The following UGT1A9 variants were observed in gnomAD, a reference collection of about 807,000 sequenced individuals.
UGT1A9 encodes the protein UDP glucuronosyltransferase family 1 member A9, also known as UDP-glucuronosyltransferase 1A9.
A neutral mutation model predicts 45.0 loss-of-function variants in UGT1A9; 35 were observed. That is an observed-to-expected ratio of 0.78 (90% CI 0.59 to 1.03). UGT1A9 has a LOEUF of 1.03. Ranked by LOEUF, UGT1A9 falls within the 50% of genes least tolerant of loss-of-function variation. UGT1A9 has a pLI of 0.00. For missense variants in UGT1A9, 687 were observed against 666.6 expected (o/e 1.03, Z -0.34); for synonymous variants, 278 against 250.6 (o/e 1.11, Z -1.03).
intron 1 of UGT1A9, among the ~76,000 whole-genome samples, chr2:233,758,117 T>C (rs1223094258): frequency 1.3e-5 from 2 of 152,208 alleles, no homozygotes; most frequent in African/African-American, 4.8e-5. Context: ...GCTCACACGT[T>C]CCATAAATAT....
chr2:233,756,725 G>A (rs1363632350), intron 1 of UGT1A9, among the ~76,000 whole-genome samples: 1 of 152,038 alleles, frequency 6.6e-6, no homozygotes, highest in Non-Finnish European at 1.5e-5. Flanking sequence ...TGAGATCTGA[G>A]TTCTCTTCAC....
intron 1 of UGT1A9, among the ~76,000 whole-genome samples, chr2:233,759,713 T>TGGTG (rs1157954887): frequency 2.6e-5 from 4 of 151,594 alleles, no homozygotes; most frequent in African/African-American, 9.7e-5. Flanking sequence ...CGTGCTCGTG[T>TGGTG]GGTGGGCTCT....
intron 1 of UGT1A9, among the ~76,000 whole-genome samples, chr2:233,689,045 CTCT>C (rs2074924736): frequency 6.6e-6 from 1 of 152,196 alleles, no homozygotes; most frequent in Admixed American, 6.5e-5. Context: ...TACTTTATGT[CTCT>C]TCTGTATAAT....
At chr2:233,725,001 G>C (rs1276972399) in intron 1 of UGT1A9, among the ~76,000 whole-genome samples, 3 of 134,004 alleles carry the variant, frequency 2.2e-5, no homozygotes, top group African/African-American at 3.7e-5. Flanking sequence ...GCTGGAGACC[G>C]GCCCGGCCAA....
chr2:233,755,274 G>T, intron 1 of UGT1A9: 1 of 734,282 alleles, frequency 1.4e-6, no homozygotes, highest in Non-Finnish European at 2.1e-6. Flanking sequence ...CACTATGCTG[G>T]ACTGCCAAAG....
At chr2:233,756,303 C>T (rs529039026) in intron 1 of UGT1A9, 7 of 152,196 alleles carry the variant, frequency 4.6e-5, no homozygotes, top group African/African-American at 9.7e-5. Context: ...TTGTATATAA[C>T]CTACCCATAT....
intron 1 of UGT1A9, among the ~76,000 whole-genome samples, chr2:233,742,294 T>C (rs1176827830): frequency 3.3e-5 from 5 of 152,006 alleles, no homozygotes; most frequent in African/African-American, 1.2e-4. Context: ...CTATAGATTA[T>C]AGATTAACTA....
intron 1 of UGT1A9, among the ~76,000 whole-genome samples, chr2:233,698,291 T>A (rs1387346717): frequency 6.6e-6 from 1 of 152,168 alleles, no homozygotes; most frequent in East Asian, 1.9e-4. Flanking sequence ...TGAAAAAAAA[T>A]GTGTCTTTGG....
chr2:233,713,220 C>G, intron 1 of UGT1A9: 1 of 1,614,254 alleles, frequency 6.2e-7, no homozygotes, highest in Non-Finnish European at 8.5e-7. Flanking sequence ...CTTTTTCACC[C>G]TGACAACGTA....
At chr2:233,761,015 C>A (rs568151745) in intron 1 of UGT1A9, 1 of 1,614,218 alleles carries the variant, frequency 6.2e-7, no homozygotes, top group Admixed American at 1.7e-5. Flanking sequence ...AGAGAGGTGA[C>A]TGTCCAGGAC....
At chr2:233,704,805 T>C (rs1020612580) in intron 1 of UGT1A9, among the ~76,000 whole-genome samples, 12 of 152,136 alleles carry the variant, frequency 7.9e-5, no homozygotes, top group African/African-American at 2.2e-4. Flanking sequence ...ATTATATATA[T>C]GTATATTGCT....
chr2:233,711,531 C>T (rs1251081299), intron 1 of UGT1A9, among the ~76,000 whole-genome samples: 4 of 152,194 alleles, frequency 2.6e-5, no homozygotes, highest in African/African-American at 7.2e-5. Context: ...CACAACTCCC[C>T]GGGAATCATC....
chr2:233,675,728 C>T (rs1419810459), intron 1 of UGT1A9, among the ~76,000 whole-genome samples: 1 of 152,182 alleles, frequency 6.6e-6, no homozygotes, highest in Non-Finnish European at 1.5e-5. Flanking sequence ...CTATTTTGCT[C>T]TACTAATTCA....
chr2:233,768,207 T>G lies in UGT1A9; in HGVS notation c.1076-13T>G, dbSNP rs1370777582. ...GATGTAACTGCTGACATCCTCCCTA[T>G]TTTGCATCTCAGGTCACCCGATGAC... is the stretch of plus-strand genomic sequence containing the variant. On this transcript the variant is annotated splice_polypyrimidine_tract_variant and intron_variant, in intron 3 of 4. Transcript: ENST00000354728. 6.2e-7 allele frequency: 1 copy of G among 1,614,218 alleles called. No homozygotes were observed. The highest frequency in any genetic ancestry group is 1.1e-5 in the South Asian group (1 of 91,088).
chr2:233,722,946 TGAG>T (rs1439594890), intron 1 of UGT1A9, among the ~76,000 whole-genome samples: 3 of 133,040 alleles, frequency 2.3e-5, no homozygotes, highest in African/African-American at 2.8e-5. Flanking sequence ...CTGAGTGGGC[TGAG>T]GAGGAGGAGG....
At chr2:233,703,469 A>G (rs371655525) in intron 1 of UGT1A9, among the ~76,000 whole-genome samples, 4 of 150,764 alleles carry the variant, frequency 2.7e-5, no homozygotes, top group African/African-American at 4.9e-5. Flanking sequence ...ATTCTTTATT[A>G]TTTTCTGCCT....
intron 1 of UGT1A9, chr2:233,742,966 C>G: frequency 4.5e-6 from 1 of 219,782 alleles, no homozygotes; most frequent in Non-Finnish European, 9.2e-6. Context: ...TTGTCTGCCT[C>G]AGGCTTAAGT....
chr2:233,720,454 C>T (rs1295053597), intron 1 of UGT1A9, among the ~76,000 whole-genome samples: 1 of 152,034 alleles, frequency 6.6e-6, no homozygotes, highest in African/African-American at 2.4e-5. Flanking sequence ...CCCAGTGAAG[C>T]TGGGACCAGT....
intron 1 of UGT1A9, among the ~76,000 whole-genome samples, chr2:233,700,926 T>C (rs1403667263): frequency 6.6e-6 from 1 of 152,008 alleles, no homozygotes; most frequent in East Asian, 1.9e-4. Context: ...CCTGTGTCTG[T>C]GTGTGATTGT....
Sources: allele counts gnomAD v4.1 joint callset (sites outside exome capture counted in the v4.1 genomes callset), GRCh38; gene constraint gnomAD v4.1.1; transcripts MANE v1.5; gene names NCBI Gene and HGNC (gene_info 2026-07-23, HGNC 2026-07-21).